The following ZNF652 variants were observed in gnomAD, a reference collection of about 807,000 sequenced individuals.
The protein encoded by ZNF652 is zinc finger protein 652.
In ZNF652, 16 loss-of-function variants were observed where a neutral mutation model predicts 45.2. That is an observed-to-expected ratio of 0.35 (90% CI 0.24 to 0.54). ZNF652 has a LOEUF of 0.54. Among genes scored for constraint, ZNF652 ranks in the 20% least tolerant of loss-of-function variants. The pLI, the probability that ZNF652 is intolerant of heterozygous loss-of-function variation, is 0.91. For synonymous variants in ZNF652, 250 were observed against 260.6 expected (o/e 0.96, Z 0.39); for missense variants, 614 against 765.6 (o/e 0.80, Z 2.34).
intron 1 of ZNF652, among the ~76,000 whole-genome samples, chr17:49,330,722 G>A (rs141013984): frequency 7.4e-4 from 112 of 151,948 alleles, no homozygotes; most frequent in Non-Finnish European, 1.3e-3. Context: ...TATCTTGATC[G>A]TTATTAACTG....
intron 5 of ZNF652, among the ~76,000 whole-genome samples, chr17:49,309,961 C>CTT (rs374612800): frequency 2.0e-5 from 3 of 148,982 alleles, no homozygotes; most frequent in African/African-American, 7.4e-5. Flanking sequence ...CTCTGTTGTT[C>CTT]TTTTTTTTTT....
chr17:49,305,092 T>C (rs1034017941), intron 5 of ZNF652, among the ~76,000 whole-genome samples: 1 of 152,150 alleles, frequency 6.6e-6, no homozygotes, highest in Non-Finnish European at 1.5e-5. Context: ...CCTTGACAAA[T>C]AGTTTTATAC....
At chr17:49,312,214 G>A (rs1008098024) in intron 3 of ZNF652, among the ~76,000 whole-genome samples, 172 bp from the exon 4 acceptor site, 1 of 133,480 alleles carries the variant, frequency 7.5e-6, no homozygotes, top group Admixed American at 9.0e-5. Flanking sequence ...CGCACAGGCC[G>A]GAGTGCAGTG....
At chr17:49,361,486 G>A (rs935208505) in intron 1 of ZNF652, among the ~76,000 whole-genome samples, 9 of 152,208 alleles carry the variant, frequency 5.9e-5, no homozygotes, top group Non-Finnish European at 1.0e-4. Context: ...GGAGGTTTGG[G>A]TGCAACCGCA....
intron 1 of ZNF652, among the ~76,000 whole-genome samples, chr17:49,346,278 C>T (rs558001472): frequency 6.6e-6 from 1 of 152,274 alleles, no homozygotes; most frequent in Non-Finnish European, 1.5e-5. Flanking sequence ...AGGATGGGCT[C>T]AGTGGCTAAT....
intron 1 of ZNF652, among the ~76,000 whole-genome samples, chr17:49,321,407 G>A (rs1391711521): frequency 1.3e-5 from 2 of 148,196 alleles, no homozygotes; most frequent in African/African-American, 2.5e-5. Context: ...GGGACTACCG[G>A]CGCCCACCAC....
intron 1 of ZNF652, among the ~76,000 whole-genome samples, chr17:49,319,856 T>C (rs1347462207): frequency 6.6e-6 from 1 of 152,128 alleles, no homozygotes; most frequent in African/African-American, 2.4e-5. Context: ...TTACCCAGGC[T>C]GGTGGGACTG....
At chr17:49,306,704 AT>A (rs1425766013) in intron 5 of ZNF652, among the ~76,000 whole-genome samples, 2 of 152,220 alleles carry the variant, frequency 1.3e-5, no homozygotes, top group African/African-American at 4.8e-5. Context: ...ACTTCCAAAA[AT>A]TTATCCTAAG....
intron 1 of ZNF652, among the ~76,000 whole-genome samples, chr17:49,334,027 T>C (rs1225736144): frequency 6.6e-6 from 1 of 151,876 alleles, no homozygotes; most frequent in African/African-American, 2.4e-5. Flanking sequence ...GTTCCAGGCA[T>C]AAACTCAGGA....
chr17:49,343,594 G>A (rs2070171554), intron 1 of ZNF652, among the ~76,000 whole-genome samples: 2 of 151,888 alleles, frequency 1.3e-5, no homozygotes, highest in African/African-American at 4.8e-5. Flanking sequence ...ATAAATAGAT[G>A]TCATCAGTCG....
At chr17:49,315,164 C>T (rs1304114695) in intron 2 of ZNF652, among the ~76,000 whole-genome samples, 2 of 151,932 alleles carry the variant, frequency 1.3e-5, no homozygotes, top group Non-Finnish European at 2.9e-5. Flanking sequence ...GCCTCAGCCT[C>T]CTGAGTAGCT....
intron 5 of ZNF652, among the ~76,000 whole-genome samples, chr17:49,306,580 C>A (rs1255087488): frequency 6.6e-6 from 1 of 152,100 alleles, no homozygotes; most frequent in Non-Finnish European, 1.5e-5. Context: ...AGTCACTGCA[C>A]CTGGTCGCAA....
At chr17:49,352,051 G>T (rs993571767) in intron 1 of ZNF652, among the ~76,000 whole-genome samples, 1 of 152,104 alleles carries the variant, frequency 6.6e-6, no homozygotes, top group Non-Finnish European at 1.5e-5. Flanking sequence ...AAGTTCACAG[G>T]TTGTCAATGT....
intron 1 of ZNF652, among the ~76,000 whole-genome samples, chr17:49,343,925 G>A (rs907060897): frequency 6.6e-6 from 1 of 152,074 alleles, no homozygotes; most frequent in South Asian, 2.1e-4. Context: ...CCGGCCAGGC[G>A]CGGTGGCTCA....
chr17:49,327,585 T>C (rs1222392066), intron 1 of ZNF652, among the ~76,000 whole-genome samples: 1 of 150,560 alleles, frequency 6.6e-6, no homozygotes, highest in Non-Finnish European at 1.5e-5. Flanking sequence ...ACATGAAAAA[T>C]ATAGCATAGC....
At chr17:49,327,651 G>C (rs993333094) in intron 1 of ZNF652, among the ~76,000 whole-genome samples, 2 of 148,246 alleles carry the variant, frequency 1.3e-5, no homozygotes, top group African/African-American at 5.0e-5. Flanking sequence ...GGCTGAGGCA[G>C]GAGGATCGCT....
chr17:49,328,591 C>T (rs1277241853), intron 1 of ZNF652, among the ~76,000 whole-genome samples: 3 of 152,064 alleles, frequency 2.0e-5, no homozygotes, highest in African/African-American at 7.2e-5. Flanking sequence ...CTGGTTAAGA[C>T]TGTGGCACTT....
chr17:49,343,443 G>C (rs1423088608), intron 1 of ZNF652, among the ~76,000 whole-genome samples: 1 of 152,120 alleles, frequency 6.6e-6, no homozygotes, highest in Non-Finnish European at 1.5e-5. Flanking sequence ...ACACCAAAGT[G>C]ACAGAGCCCA....
intron 1 of ZNF652, among the ~76,000 whole-genome samples, chr17:49,360,465 A>T (rs2070380907): frequency 6.6e-6 from 1 of 152,198 alleles, no homozygotes; most frequent in Non-Finnish European, 1.5e-5. Flanking sequence ...TTCCAGGATC[A>T]CTAAAACTTA....
Sources: allele counts gnomAD v4.1 joint callset (sites outside exome capture counted in the v4.1 genomes callset), GRCh38; gene constraint gnomAD v4.1.1; transcripts MANE v1.5; gene names NCBI Gene and HGNC (gene_info 2026-07-23, HGNC 2026-07-21).